The following THSD7A variants were observed in gnomAD, a reference collection of about 807,000 sequenced individuals.
The protein encoded by THSD7A is thrombospondin type-1 domain-containing protein 7A.
THSD7A carries 96 observed loss-of-function variants against 231.3 expected under a neutral mutation model. The observed-to-expected ratio is 0.41, with a 90% CI of 0.35 to 0.49. The LOEUF (loss-of-function observed/expected upper bound fraction) is 0.49. Ranked by LOEUF, THSD7A falls within the 20% of genes least tolerant of loss-of-function variation. The pLI is 0.05. For synonymous variants in THSD7A, 940 were observed against 743.3 expected (o/e 1.26, Z -4.30); for missense variants, 2,290 against 2,070.2 (o/e 1.11, Z -2.06).
At chr7:11,522,554 G>C (rs1302808108) in intron 6 of THSD7A, among the ~76,000 whole-genome samples, 1 of 152,010 alleles carries the variant, frequency 6.6e-6, no homozygotes, top group African/African-American at 2.4e-5. Context: ...TAGACAATCT[G>C]ACATAAAATC....
intron 1 of THSD7A, among the ~76,000 whole-genome samples, chr7:11,808,249 G>C (rs771626587): frequency 2.0e-5 from 3 of 152,142 alleles, no homozygotes; most frequent in Non-Finnish European, 4.4e-5. Flanking sequence ...GGGCCTTTAA[G>C]AGGTGATTAG....
intron 11 of THSD7A, among the ~76,000 whole-genome samples, chr7:11,448,026 T>C (rs1036676968): frequency 1.3e-5 from 2 of 152,126 alleles, no homozygotes; most frequent in Admixed American, 6.6e-5. Context: ...AGGGTTGGAA[T>C]CATTAATGGA....
At chr7:11,456,182 C>G (rs1298955650) in intron 11 of THSD7A, among the ~76,000 whole-genome samples, 1 of 151,954 alleles carries the variant, frequency 6.6e-6, no homozygotes, top group Non-Finnish European at 1.5e-5. Context: ...TCTATGTGTA[C>G]TTAGTAAATT....
chr7:11,796,666 T>C (rs928846701), intron 1 of THSD7A, among the ~76,000 whole-genome samples: 2 of 152,004 alleles, frequency 1.3e-5, no homozygotes, highest in Admixed American at 1.3e-4. Context: ...TTATAGATAA[T>C]GGGAAAAGTA....
At chr7:11,445,720 G>A (rs1417428835) in intron 13 of THSD7A, among the ~76,000 whole-genome samples, 1 of 151,982 alleles carries the variant, frequency 6.6e-6, no homozygotes, top group Non-Finnish European at 1.5e-5. Flanking sequence ...CCCTTCCTGT[G>A]CACAGACTTG....
chr7:11,605,508 C>G (rs775144852), intron 2 of THSD7A, among the ~76,000 whole-genome samples: 3 of 152,078 alleles, frequency 2.0e-5, no homozygotes, highest in African/African-American at 4.8e-5. Flanking sequence ...GTCAGACCCC[C>G]GCTCCATGCT....
intron 4 of THSD7A, among the ~76,000 whole-genome samples, chr7:11,550,561 T>C (rs6958901): frequency 0.23 from 34,981 of 152,082 alleles, 4,667 homozygotes; most frequent in African/African-American, 0.37. Context: ...TTGCTCTCTC[T>C]TTCCTGCCAT....
At chr7:11,627,493 C>G (rs1002553655) in intron 2 of THSD7A, among the ~76,000 whole-genome samples, 1 of 151,888 alleles carries the variant, frequency 6.6e-6, no homozygotes, top group East Asian at 1.9e-4. Flanking sequence ...CAATATTTAA[C>G]AATTTTTCAT....
At chr7:11,519,902 A>C (rs1248217312) in intron 6 of THSD7A, 1 of 152,154 alleles carries the variant, frequency 6.6e-6, no homozygotes, top group African/African-American at 2.4e-5. Context: ...TTTATTTTCA[A>C]ACTACTTTCA....
intron 1 of THSD7A, among the ~76,000 whole-genome samples, chr7:11,799,324 C>G (rs1205911173): frequency 1.3e-5 from 2 of 152,070 alleles, no homozygotes; most frequent in African/African-American, 4.8e-5. Flanking sequence ...GCTTTATCTT[C>G]CAGTGGAGAA....
intron 1 of THSD7A, among the ~76,000 whole-genome samples, chr7:11,737,615 G>C (rs1583241539): frequency 6.6e-6 from 1 of 151,886 alleles, no homozygotes; most frequent in South Asian, 2.1e-4. Flanking sequence ...CTAAGGACAG[G>C]GATCCAAACT....
intron 1 of THSD7A, among the ~76,000 whole-genome samples, chr7:11,744,565 T>C (rs1302154264): frequency 6.6e-6 from 1 of 151,350 alleles, no homozygotes; most frequent in Admixed American, 6.6e-5. Context: ...TAACATTAGG[T>C]ATATCTCCTA....
chr7:11,551,850 C>T (rs1303304341), intron 4 of THSD7A, among the ~76,000 whole-genome samples: 1 of 152,010 alleles, frequency 6.6e-6, no homozygotes, highest in African/African-American at 2.4e-5. Flanking sequence ...TGGGTATATA[C>T]CCAAAGGAAA....
chr7:11,778,160 A>AAAAAAAAAAAAAAAAAAG (rs1783494145), intron 1 of THSD7A, among the ~76,000 whole-genome samples: 1 of 139,694 alleles, frequency 7.2e-6, no homozygotes, highest in Non-Finnish European at 1.5e-5. Flanking sequence ...CCGTCTCAAA[A>AAAAAAAAAAAAAAAAAAG]AAAAAAAAAA....
chr7:11,463,102 A>G (rs901314180), intron 9 of THSD7A, among the ~76,000 whole-genome samples: 15 of 152,216 alleles, frequency 9.9e-5, no homozygotes, highest in Non-Finnish European at 1.8e-4. Flanking sequence ...CATAGACTAC[A>G]GGAACAGAAA....
chr7:11,749,416 T>C (rs1782425711), intron 1 of THSD7A, among the ~76,000 whole-genome samples: 1 of 151,968 alleles, frequency 6.6e-6, no homozygotes, highest in South Asian at 2.1e-4. Flanking sequence ...TCTTCCCTAG[T>C]CATAAATGTG....
At chr7:11,754,137 GA>G (rs1782599968) in intron 1 of THSD7A, among the ~76,000 whole-genome samples, 2 of 151,772 alleles carry the variant, frequency 1.3e-5, no homozygotes, top group African/African-American at 4.8e-5. Flanking sequence ...AGATTTACTA[GA>G]AAAATATTTT....
Position 11,636,445 on chromosome 7 carries a change from G to T in THSD7A, c.707C>A (p.Thr236Lys). 6.2e-7 allele frequency: 1 copy of T among 1,613,568 alleles called. No individual in the cohort carries two copies. Among genetic ancestry groups the T allele is most frequent in the Non-Finnish European group, 8.5e-7 (1 of 1,179,806 alleles). ...ACTGGATTGGCACACCTGGAACTCC[G>T]TCAGGTTTGGACAGCCAGAGCCTCC... ...QFGGSGCPNL[T>K]EFQVCQSSPC... Residue 236 changes from threonine to lysine, a missense_variant, in exon 2 of 28, where the codon ACG becomes AAG. Coordinates refer to ENST00000423059, the MANE Select transcript of THSD7A (RefSeq NM_015204.3). This position sits in a 1 kb window ranked among gnomAD's most constrained non-coding sequence, Gnocchi z 10.0.
intron 4 of THSD7A, among the ~76,000 whole-genome samples, chr7:11,562,924 T>C (rs958771960): frequency 3.3e-5 from 5 of 152,198 alleles, no homozygotes; most frequent in Non-Finnish European, 4.4e-5. Flanking sequence ...AGGTATATTT[T>C]ACCAAAGCAG....
Sources: allele counts gnomAD v4.1 joint callset (sites outside exome capture counted in the v4.1 genomes callset), GRCh38; gene constraint gnomAD v4.1.1; non-coding constraint Gnocchi (gnomAD v3.1); transcripts MANE v1.5; gene names NCBI Gene and HGNC (gene_info 2026-07-23, HGNC 2026-07-21).